The following PTPRG variants were observed in gnomAD, a reference collection of about 807,000 sequenced individuals.
The protein encoded by PTPRG is receptor-type tyrosine-protein phosphatase gamma.
Under a neutral mutation model 165.3 loss-of-function variants are expected in PTPRG, and 102 were observed. That is an observed-to-expected ratio of 0.62 (90% CI 0.53 to 0.73). PTPRG has a LOEUF of 0.73. Among genes scored for constraint, PTPRG ranks in the 30% least tolerant of loss-of-function variants. The pLI is 0.00. For synonymous variants in PTPRG, 675 were observed against 669.5 expected (o/e 1.01, Z -0.13); for missense variants, 1,866 against 1,861.4 (o/e 1.00, Z -0.05).
At chr3:62,176,822 G>A (rs559516988) in intron 8 of PTPRG, among the ~76,000 whole-genome samples, 2 of 152,198 alleles carry the variant, frequency 1.3e-5, no homozygotes, top group African/African-American at 2.4e-5. Context: ...CTAAGTGAAC[G>A]AATGAATAAA....
chr3:62,135,998 C>T (rs1188720463), intron 6 of PTPRG, among the ~76,000 whole-genome samples: 2 of 152,156 alleles, frequency 1.3e-5, no homozygotes, highest in Non-Finnish European at 2.9e-5. Flanking sequence ...CCTGGAGGTG[C>T]AGCTGCTGCA....
intron 12 of PTPRG, among the ~76,000 whole-genome samples, chr3:62,205,007 CA>C (rs967528024): frequency 2.0e-4 from 29 of 146,476 alleles, no homozygotes; most frequent in Non-Finnish European, 3.3e-4. Flanking sequence ...TATAAGAGTG[CA>C]AAAAAAAAGC....
chr3:61,745,984 C>T (rs1274738290), intron 1 of PTPRG, among the ~76,000 whole-genome samples: 1 of 152,094 alleles, frequency 6.6e-6, no homozygotes, highest in Non-Finnish European at 1.5e-5. Flanking sequence ...AGCTTCAAAT[C>T]AGCTTTGTCG....
intron 8 of PTPRG, among the ~76,000 whole-genome samples, chr3:62,188,425 T>A (rs1347844729): frequency 6.6e-6 from 1 of 152,196 alleles, no homozygotes; most frequent in African/African-American, 2.4e-5. Flanking sequence ...CTATTCTATT[T>A]CTATCAATTG....
intron 4 of PTPRG, among the ~76,000 whole-genome samples, chr3:62,051,453 C>T (rs1700466368): frequency 1.3e-5 from 2 of 152,092 alleles, no homozygotes; most frequent in Non-Finnish European, 2.9e-5. Flanking sequence ...GTGTAAATGT[C>T]TTTATAAAAG....
intron 1 of PTPRG, among the ~76,000 whole-genome samples, chr3:61,747,873 TG>T (rs762258809): frequency 6.6e-6 from 1 of 152,172 alleles, no homozygotes; most frequent in Non-Finnish European, 1.5e-5. Flanking sequence ...GTATATTGTT[TG>T]CGTGTAATTC....
At chr3:62,014,303 G>A (rs2041491304) in intron 4 of PTPRG, among the ~76,000 whole-genome samples, 1 of 152,128 alleles carries the variant, frequency 6.6e-6, no homozygotes, top group African/African-American at 2.4e-5. Flanking sequence ...GCTGTATTGA[G>A]CACGGATACT....
intron 12 of PTPRG, among the ~76,000 whole-genome samples, chr3:62,216,310 T>G (rs1350009953): frequency 6.6e-6 from 1 of 151,762 alleles, no homozygotes; most frequent in African/African-American, 2.4e-5. Flanking sequence ...TGGCCAAGAG[T>G]TCCTTTCTGT....
intron 2 of PTPRG, among the ~76,000 whole-genome samples, chr3:61,957,620 T>A (rs1239566792): frequency 1.3e-5 from 2 of 152,198 alleles, no homozygotes; most frequent in African/African-American, 4.8e-5. Context: ...AGGGGATGCC[T>A]TCCTCTCCTG....
At chr3:61,897,364 A>C (rs1407252975) in intron 2 of PTPRG, among the ~76,000 whole-genome samples, 3 of 152,002 alleles carry the variant, frequency 2.0e-5, no homozygotes, top group Non-Finnish European at 2.9e-5. Context: ...TTCTTCCATT[A>C]ATTTTATATC....
chr3:62,248,970 C>T (rs186961574), intron 15 of PTPRG, among the ~76,000 whole-genome samples: 3 of 152,132 alleles, frequency 2.0e-5, no homozygotes, highest in Non-Finnish European at 4.4e-5. Context: ...ATTAAACCAA[C>T]CTTGTTGGCA....
chr3:61,850,298 G>A (rs1371801380), intron 2 of PTPRG, among the ~76,000 whole-genome samples: 1 of 152,090 alleles, frequency 6.6e-6, no homozygotes, highest in Non-Finnish European at 1.5e-5. Flanking sequence ...CGAGTAGCTG[G>A]GATTACAGGC....
chr3:61,750,068 G>GC (rs2033369848), intron 2 of PTPRG: 2 of 152,096 alleles, frequency 1.3e-5, no homozygotes, highest in African/African-American at 4.8e-5. Flanking sequence ...TATCTGTTTT[G>GC]TTTTGCAGTG....
chr3:61,930,408 G>A (rs1393403801), intron 2 of PTPRG, among the ~76,000 whole-genome samples: 4 of 152,228 alleles, frequency 2.6e-5, no homozygotes, highest in East Asian at 1.9e-4. Context: ...TCAGAGTTCC[G>A]TCTCCCCCTG....
intron 5 of PTPRG, among the ~76,000 whole-genome samples, chr3:62,121,156 T>C (rs1479067591): frequency 6.6e-6 from 1 of 151,070 alleles, no homozygotes; most frequent in African/African-American, 2.4e-5. Flanking sequence ...GGTTTCACCA[T>C]GTTAGCCAGG....
chr3:61,597,596 T>C (rs1700735708), intron 1 of PTPRG, among the ~76,000 whole-genome samples: 1 of 152,236 alleles, frequency 6.6e-6, no homozygotes, highest in Non-Finnish European at 1.5e-5. Flanking sequence ...CTTTTTACCA[T>C]GTAGGATTTG....
intron 7 of PTPRG, among the ~76,000 whole-genome samples, chr3:62,160,931 A>C (rs1394244891): frequency 7.4e-6 from 1 of 134,488 alleles, no homozygotes; most frequent in Non-Finnish European, 1.5e-5. Context: ...TAATTGCATG[A>C]CCCTTTTTAA....
In PTPRG at chr3:62,228,027, G is replaced by A. The variant is rs1700804986; in HGVS notation, c.2289-3198G>A. On this transcript the variant is annotated intron_variant, in intron 13 of 29. Coordinates refer to ENST00000474889, the MANE Select transcript of PTPRG (RefSeq NM_002841.4). This position sits in a 1 kb window ranked among gnomAD's most constrained non-coding sequence, Gnocchi z 4.1. ...GAGGCTCTCCCTTGCCAGTTTGCCA[G>A]TCTCTGCCCTCCCCGCTATTCCCTG... Among the ~76,000 whole-genome samples, 1 of 152,152 alleles carries A rather than the reference G, an allele frequency of 6.6e-6. No individual in the cohort carries two copies. Among genetic ancestry groups the A allele is most frequent in the South Asian group, 2.1e-4 (1 of 4,834 alleles).
intron 4 of PTPRG, among the ~76,000 whole-genome samples, chr3:62,036,708 T>TA (rs1333798272): frequency 5.9e-5 from 9 of 152,194 alleles, no homozygotes; most frequent in Admixed American, 2.0e-4. Flanking sequence ...TATTGAGATT[T>TA]TGGTCCAAAA....
Sources: gnomAD v4.1 joint callset for allele counts (sites outside exome capture counted in the v4.1 genomes callset) on GRCh38, gnomAD v4.1.1 for gene constraint, Gnocchi (gnomAD v3.1) non-coding constraint, MANE v1.5 for transcripts, NCBI Gene and HGNC (gene_info 2026-07-23, HGNC 2026-07-21) for gene names.